The following UNC5A variants were observed in gnomAD, a reference collection of about 807,000 sequenced individuals.
The protein encoded by UNC5A is unc-5 netrin receptor A, also known as netrin receptor UNC5A.
UNC5A carries 20 observed loss-of-function variants against 87.4 expected under a neutral mutation model. That is an observed-to-expected ratio of 0.23 (90% confidence interval 0.16 to 0.33). The LOEUF is 0.33. UNC5A is among the 10% of genes least tolerant of loss of function. UNC5A has a pLI of 1.00. For missense variants in UNC5A, 844 were observed against 1,133.4 expected, an observed-to-expected ratio of 0.74 and a Z score of 3.67; for synonymous variants, 438 against 482.3, an observed-to-expected ratio of 0.91 and a Z score of 1.20.
At chr5:176,840,188 T>C (rs1757242486) in intron 1 of UNC5A, among the ~76,000 whole-genome samples, 1 of 152,210 alleles carries the variant, frequency 6.6e-6, no homozygotes. Flanking sequence ...TCTTCACGCC[T>C]TGCTGGCGTT....
intron 1 of UNC5A, among the ~76,000 whole-genome samples, chr5:176,831,660 C>T (rs894925582): frequency 3.3e-5 from 5 of 152,128 alleles, no homozygotes; most frequent in African/African-American, 1.2e-4. Flanking sequence ...TCCCCATAAG[C>T]ACAGTGACCT....
At chr5:176,818,711 G>C (rs140596217) in intron 1 of UNC5A, among the ~76,000 whole-genome samples, 24 of 152,262 alleles carry the variant, frequency 1.6e-4, no homozygotes, top group East Asian at 1.4e-3. Context: ...TACTGCCAGG[G>C]CCTCTCTGGT....
At chr5:176,834,578 G>A (rs1757102668) in intron 1 of UNC5A, among the ~76,000 whole-genome samples, 1 of 151,956 alleles carries the variant, frequency 6.6e-6, no homozygotes, top group Non-Finnish European at 1.5e-5. Context: ...GAAGGAGCAG[G>A]GCTCTGTTTG....
rs2304516 is a variant in UNC5A, at chr5:176,878,465, T to G, written c.2020-10T>G. 4 of 1,611,534 alleles carry G rather than the reference T, an allele frequency of 2.5e-6. No individual in the cohort carries two copies. Among genetic ancestry groups the G allele is most frequent in the East Asian group, 2.2e-5 (1 of 44,798 alleles). ...GCTCACCTGACACCTCCTCTCTGCA[T>G]CCCCATCAGGAGATCCCCTTTTATC... On this transcript the variant is annotated splice_polypyrimidine_tract_variant and intron_variant, in intron 12 of 14. Coordinates refer to ENST00000329542, the MANE Select transcript of UNC5A (RefSeq NM_133369.3).
At position 176,841,277 on chromosome 5, in the gene UNC5A, G is replaced by A. The variant is rs1382516919; in HGVS notation, c.71-21347G>A. On this transcript the variant is annotated intron_variant, in intron 1 of 14. Coordinates refer to ENST00000329542, the MANE Select transcript of UNC5A (RefSeq NM_133369.3). This position sits in a 1 kb window ranked among gnomAD's most constrained non-coding sequence, Gnocchi z 4.1. ...ATTGTGGGTGCCGTTTGCAGACAGA[G>A]CTGTGCCAGAGTGAGCCAGCCAGAG... Among the ~76,000 whole-genome samples, 2 of 152,204 alleles carry A rather than the reference G, an allele frequency of 1.3e-5. No homozygotes were observed. The highest frequency in any genetic ancestry group is 2.9e-5 in the Non-Finnish European group (2 of 68,042).
At chr5:176,858,768 A>AAGGAAGGAAGGAAGGCAGGAAGGC (rs765510036) in intron 1 of UNC5A, among the ~76,000 whole-genome samples, 1 of 135,786 alleles carries the variant, frequency 7.4e-6, no homozygotes, top group Admixed American at 7.1e-5. Context: ...GGAAGGAAGG[A>AAGGAAGGAAGGAAGGCAGGAAGGC]AGGAAGGCAA....
chr5:176,839,636 C>T (rs1757224416), intron 1 of UNC5A, among the ~76,000 whole-genome samples: 1 of 152,150 alleles, frequency 6.6e-6, no homozygotes, highest in Non-Finnish European at 1.5e-5. Flanking sequence ...TGAAACTGCC[C>T]TGGCAGGGCC....
chr5:176,864,491 C>A (rs975488199), intron 2 of UNC5A, among the ~76,000 whole-genome samples: 3 of 152,174 alleles, frequency 2.0e-5, no homozygotes, highest in African/African-American at 7.2e-5. Flanking sequence ...GCTGAAGAGC[C>A]CTGGATTTAG....
intron 1 of UNC5A, among the ~76,000 whole-genome samples, chr5:176,839,869 T>TCTTACCAG (rs1757234211): frequency 7.0e-6 from 1 of 142,848 alleles, no homozygotes; most frequent in Non-Finnish European, 1.5e-5. Context: ...CAGGCTGGAA[T>TCTTACCAG]GCAGTGGTAA....
In UNC5A at chr5:176,824,919, G is replaced by A. The variant is rs547026485; in HGVS notation, c.70+14099G>A. On this transcript the variant is annotated intron_variant, in intron 1 of 14. Transcript: ENST00000329542. This position sits in a 1 kb window ranked among gnomAD's most constrained non-coding sequence, Gnocchi z 4.2. Reference sequence around the variant, plus strand: ...CTCTTTGCCACTCACCCCCGCTCCCGTGCACACCAAGGCTGCGTCTCCCCA... The same window carrying A: ...CTCTTTGCCACTCACCCCCGCTCCCATGCACACCAAGGCTGCGTCTCCCCA... Among the ~76,000 whole-genome samples, 7 of 152,000 alleles carry A rather than the reference G, an allele frequency of 4.6e-5. No homozygotes were observed. Among genetic ancestry groups the A allele is most frequent in the Admixed American group, 1.3e-4 (2 of 15,270 alleles).
At position 176,878,871 on chromosome 5, in the gene UNC5A, G is replaced by T. The variant is rs757480831; in HGVS notation, c.2184+232G>T. 6.6e-5 allele frequency among the ~76,000 whole-genome samples: 10 copies of T among 152,302 alleles called. No homozygotes were observed. The South Asian group carries it at 2.1e-3, about 32-fold the overall frequency. ...GAGTGCAGGGGACATGGGAGCAGCA[G>T]GAGGGGAGACCCTGGAGGGCTTCCC... is the stretch of plus-strand genomic sequence containing the variant. On this transcript the variant is annotated intron_variant, in intron 13 of 14. Transcript: ENST00000329542.
chr5:176,849,711 G>C (rs1487265600), intron 1 of UNC5A, among the ~76,000 whole-genome samples: 1 of 152,070 alleles, frequency 6.6e-6, no homozygotes, highest in African/African-American at 2.4e-5. Context: ...TACATCTCCT[G>C]AGGTCCAGAG....
At chr5:176,830,658 G>T (rs1756986633) in intron 1 of UNC5A, among the ~76,000 whole-genome samples, 1 of 145,430 alleles carries the variant, frequency 6.9e-6, no homozygotes, top group South Asian at 2.3e-4. Context: ...ATTTGTGTGT[G>T]TGTGCTGGTG....
chr5:176,817,941 A>AGCCCGCCC (rs942704629), intron 1 of UNC5A, among the ~76,000 whole-genome samples: 1 of 151,932 alleles, frequency 6.6e-6, no homozygotes, highest in Non-Finnish European at 1.5e-5. Context: ...TCCGCCCGCC[A>AGCCCGCCC]GCCCGCCCGC....
chr5:176,856,053 C>G (rs1396056009), intron 1 of UNC5A, among the ~76,000 whole-genome samples: 3 of 152,248 alleles, frequency 2.0e-5, no homozygotes, highest in Non-Finnish European at 2.9e-5. Flanking sequence ...CCCACCTCTC[C>G]CAGCTGAGTG....
chr5:176,812,504 C>T (rs1025585066), intron 1 of UNC5A, among the ~76,000 whole-genome samples: 5 of 152,140 alleles, frequency 3.3e-5, no homozygotes, highest in African/African-American at 1.2e-4. Flanking sequence ...ACCAGCATGC[C>T]GCACGTGTGT....
chr5:176,868,122 G>T lies in UNC5A; in HGVS notation c.293-8G>T, dbSNP rs201652528. ...GGGGCTCTGACTACCTGCCCCTCCCGCCCCCAGGGCTGCCCACCATGGAGG... is the reference window on the plus strand; with the variant it reads ...GGGGCTCTGACTACCTGCCCCTCCCTCCCCCAGGGCTGCCCACCATGGAGG... On this transcript the variant is annotated splice_polypyrimidine_tract_variant and splice_region_variant and intron_variant, in intron 2 of 14. Transcript: ENST00000329542. 3.7e-6 allele frequency: 6 copies of T among 1,608,920 alleles called. No individual in the cohort carries two copies. The highest frequency in any genetic ancestry group is 3.4e-5 in the Admixed American group (2 of 59,088).
intron 1 of UNC5A, among the ~76,000 whole-genome samples, chr5:176,811,385 G>GC (rs1265606571): frequency 2.6e-5 from 4 of 152,298 alleles, no homozygotes; most frequent in Admixed American, 6.5e-5. Flanking sequence ...GCATACACCA[G>GC]CCCCCAGTCC....
At chr5:176,842,578 G>C (rs2113623420) in intron 1 of UNC5A, among the ~76,000 whole-genome samples, 1 of 152,128 alleles carries the variant, frequency 6.6e-6, no homozygotes, top group Admixed American at 6.5e-5. Context: ...GATGAGACTG[G>C]AGACTATAAG....
Sources: gnomAD v4.1 joint callset for allele counts (sites outside exome capture counted in the v4.1 genomes callset) on GRCh38, gnomAD v4.1.1 for gene constraint, Gnocchi (gnomAD v3.1) non-coding constraint, MANE v1.5 for transcripts, NCBI Gene and HGNC (gene_info 2026-07-23, HGNC 2026-07-21) for gene names.